The following MEGF11 variants were observed in gnomAD, a reference collection of about 807,000 sequenced individuals.
MEGF11 encodes multiple epidermal growth factor-like domains protein 11.
A neutral mutation model predicts 146.6 loss-of-function variants in MEGF11; 126 were observed. That is an observed-to-expected ratio of 0.86 (90% CI 0.74 to 1.00). MEGF11 has a LOEUF of 1.00. Ranked by LOEUF, MEGF11 falls within the 50% of genes least tolerant of loss-of-function variation. The pLI is 0.00. For missense variants in MEGF11, 1,509 were observed against 1,521.2 expected, an observed-to-expected ratio of 0.99 and a Z score of 0.13; for synonymous variants, 532 against 583.4, an observed-to-expected ratio of 0.91 and a Z score of 1.27.
intron 5 of MEGF11, among the ~76,000 whole-genome samples, chr15:66,013,044 C>T (rs2082760180): frequency 6.6e-6 from 1 of 152,228 alleles, no homozygotes; most frequent in Admixed American, 6.5e-5. Context: ...TGTCATTTTA[C>T]AGATAAGGAA....
intron 1 of MEGF11, among the ~76,000 whole-genome samples, chr15:66,170,712 CTG>C (rs2090226946): frequency 6.6e-6 from 1 of 152,196 alleles, no homozygotes; most frequent in Non-Finnish European, 1.5e-5. Context: ...GAAGTGGACA[CTG>C]TGATGCCCCT....
chr15:66,047,386 G>A (rs1169092805), intron 5 of MEGF11, among the ~76,000 whole-genome samples: 1 of 152,170 alleles, frequency 6.6e-6, no homozygotes. Flanking sequence ...CTAGCTAGGC[G>A]AGTTACATGT....
At chr15:65,958,919 C>A (rs922396697) in intron 9 of MEGF11, among the ~76,000 whole-genome samples, 7 of 152,206 alleles carry the variant, frequency 4.6e-5, no homozygotes, top group African/African-American at 1.7e-4. Flanking sequence ...GAGCCCAGCT[C>A]TGGGGATAAG....
chr15:66,227,818 G>T (rs543161624), intron 1 of MEGF11, among the ~76,000 whole-genome samples: 122 of 152,294 alleles, frequency 8.0e-4, no homozygotes, highest in African/African-American at 2.8e-3. Context: ...GGCCACCCCA[G>T]CCCACTTAGA....
At chr15:66,164,457 A>G (rs2090043891) in intron 1 of MEGF11, among the ~76,000 whole-genome samples, 1 of 152,180 alleles carries the variant, frequency 6.6e-6, no homozygotes, top group South Asian at 2.1e-4. Context: ...CCTGGGCCCA[A>G]GTTCTAGCTT....
At chr15:66,234,194 C>G (rs1055043642) in intron 1 of MEGF11, among the ~76,000 whole-genome samples, 2 of 152,074 alleles carry the variant, frequency 1.3e-5, no homozygotes, top group South Asian at 4.1e-4. Context: ...CCACTGCACC[C>G]GGCCAGACAT....
At position 65,927,391 on chromosome 15, in the gene MEGF11, G is replaced by A. The variant is rs576155307; in HGVS notation, c.1675+1034C>T. Among the ~76,000 whole-genome samples, 12 of 152,314 alleles carry A rather than the reference G, an allele frequency of 7.9e-5. No homozygotes were observed. The South Asian group carries it at 2.5e-3, about 32-fold the overall frequency. Reference sequence around the variant, plus strand: ...CGTGTTATCCATATCTCAGTGTGTGGCAGGCAGTGGATACAATGGTGAATA... The same window carrying A: ...CGTGTTATCCATATCTCAGTGTGTGACAGGCAGTGGATACAATGGTGAATA... On this transcript the variant is annotated intron_variant, in intron 13 of 25. Transcript: ENST00000395614.
chr15:66,241,481 G>T (rs1035616908), intron 1 of MEGF11, among the ~76,000 whole-genome samples: 1 of 152,182 alleles, frequency 6.6e-6, no homozygotes, highest in Non-Finnish European at 1.5e-5. Context: ...ATGCAAACAC[G>T]AATGCAAATG....
At chr15:66,056,734 G>T (rs2084688912) in intron 5 of MEGF11, among the ~76,000 whole-genome samples, 1 of 152,174 alleles carries the variant, frequency 6.6e-6, no homozygotes, top group Admixed American at 6.5e-5. Flanking sequence ...TAGGAGGCTG[G>T]AGCTCAAGAC....
chr15:66,060,633 C>CT (rs2084863072), intron 5 of MEGF11, among the ~76,000 whole-genome samples: 1 of 152,230 alleles, frequency 6.6e-6, no homozygotes, highest in Non-Finnish European at 1.5e-5. Context: ...CCCCAAGGCA[C>CT]TTGGCCCCCC....
chr15:66,001,077 A>G (rs746079248), intron 5 of MEGF11, among the ~76,000 whole-genome samples: 1 of 152,112 alleles, frequency 6.6e-6, no homozygotes, highest in Non-Finnish European at 1.5e-5. Flanking sequence ...TCTGGTTCAG[A>G]GTTGACATGT....
intron 5 of MEGF11, among the ~76,000 whole-genome samples, chr15:66,042,071 T>A (rs1218269754): frequency 6.6e-6 from 1 of 151,524 alleles, no homozygotes; most frequent in Non-Finnish European, 1.5e-5. Flanking sequence ...AGGTATTTGG[T>A]CATGTAGCAG....
chr15:65,962,445 C>G (rs2080892280), intron 9 of MEGF11, among the ~76,000 whole-genome samples: 1 of 152,126 alleles, frequency 6.6e-6, no homozygotes, highest in Non-Finnish European at 1.5e-5. Flanking sequence ...GCCAGGGATG[C>G]TGCTCAACAT....
chr15:65,952,384 C>A (rs1369081983), intron 10 of MEGF11, among the ~76,000 whole-genome samples: 1 of 152,314 alleles, frequency 6.6e-6, no homozygotes, highest in Admixed American at 6.5e-5. Context: ...GGATGGACAG[C>A]TCCACTTAGT....
At chr15:66,107,058 C>CA (rs2087120930) in intron 4 of MEGF11, among the ~76,000 whole-genome samples, 3 of 140,724 alleles carry the variant, frequency 2.1e-5, no homozygotes, top group South Asian at 2.2e-4. Flanking sequence ...ATTCCTACCC[C>CA]CCCACCAGGT....
At chr15:66,043,271 A>C (rs1188435765) in intron 5 of MEGF11, among the ~76,000 whole-genome samples, 6 of 152,216 alleles carry the variant, frequency 3.9e-5, no homozygotes. Context: ...TGCCACTGTC[A>C]GAAATGTAGC....
At chr15:66,247,868 C>T (rs1322833924) in intron 1 of MEGF11, among the ~76,000 whole-genome samples, 1 of 151,870 alleles carries the variant, frequency 6.6e-6, no homozygotes, top group South Asian at 2.1e-4. Context: ...GAAACCCCAT[C>T]TCTACTAAAA....
At chr15:66,070,362 T>G (rs1012350116) in intron 5 of MEGF11, among the ~76,000 whole-genome samples, 3 of 152,246 alleles carry the variant, frequency 2.0e-5, no homozygotes, top group African/African-American at 7.2e-5. Context: ...CCTGCCCCAC[T>G]TTAACACATC....
intron 4 of MEGF11, among the ~76,000 whole-genome samples, chr15:66,096,371 C>T (rs2086553826): frequency 6.6e-6 from 1 of 152,246 alleles, no homozygotes; most frequent in Non-Finnish European, 1.5e-5. Flanking sequence ...CATGTCCTGG[C>T]CCATTGTTTT....
Sources: gnomAD v4.1 joint callset for allele counts (sites outside exome capture counted in the v4.1 genomes callset) on GRCh38, gnomAD v4.1.1 for gene constraint, MANE v1.5 for transcripts, NCBI Gene and HGNC (gene_info 2026-07-23, HGNC 2026-07-21) for gene names.